Variants in TAFA1 observed in about 807,000 individuals in gnomAD.
The protein encoded by TAFA1 is chemokine-like protein TAFA-1.
In TAFA1, 4 loss-of-function variants were observed where a neutral mutation model predicts 18.5. The observed-to-expected ratio is 0.22, with a 90% CI of 0.11 to 0.49. The LOEUF is 0.49. TAFA1 is among the 20% of genes least tolerant of loss of function. The pLI, the probability that TAFA1 is intolerant of heterozygous loss-of-function variation, is 0.98. For missense variants in TAFA1, 147 were observed against 169.0 expected (o/e 0.87, Z 0.72); for synonymous variants, 56 against 55.2 (o/e 1.01, Z -0.06).
chr3:68,459,431 A>G (rs2071732059), intron 3 of TAFA1, among the ~76,000 whole-genome samples: 1 of 152,212 alleles, frequency 6.6e-6, no homozygotes, highest in African/African-American at 2.4e-5. Flanking sequence ...GAAATAAATA[A>G]AAATTTTTAA....
intron 2 of TAFA1, among the ~76,000 whole-genome samples, chr3:68,286,272 A>T (rs1052329314): frequency 6.6e-6 from 1 of 152,028 alleles, no homozygotes; most frequent in Non-Finnish European, 1.5e-5. Flanking sequence ...ATATTTTTTT[A>T]AAAATAGACC....
chr3:68,208,908 A>G (rs1172930780), intron 2 of TAFA1, among the ~76,000 whole-genome samples: 1 of 151,924 alleles, frequency 6.6e-6, no homozygotes, highest in Non-Finnish European at 1.5e-5. Context: ...GAGCCCTTTA[A>G]AAAACAGGTG....
chr3:68,336,661 G>A (rs1283436338), intron 2 of TAFA1, among the ~76,000 whole-genome samples: 1 of 152,180 alleles, frequency 6.6e-6, no homozygotes, highest in African/African-American at 2.4e-5. Context: ...AGAATATCTG[G>A]GGTCTGGGCA....
At chr3:68,244,521 A>G (rs911808968) in intron 2 of TAFA1, among the ~76,000 whole-genome samples, 21 of 152,116 alleles carry the variant, frequency 1.4e-4, no homozygotes, top group African/African-American at 4.8e-4. Flanking sequence ...TGTCTCCCCT[A>G]TTGAATCAAA....
rs554995512 is a variant in TAFA1 at position 68,205,733 on chromosome 3, C to T, written c.118+198989C>T. ...TAGAAGCGGTGTCCCAGAAAACCAA[C>T]ATTGTCATTCACCTAAGGATGGAAG... On this transcript the variant is annotated intron_variant, in intron 2 of 4. Transcript: ENST00000478136. Among the ~76,000 whole-genome samples, 3 of 151,908 alleles carry T rather than the reference C, an allele frequency of 2.0e-5. No individual in the cohort carries two copies. In the South Asian group the frequency reaches 6.2e-4, roughly 32 times the overall value.
At chr3:68,189,373 C>T (rs2066310877) in intron 2 of TAFA1, among the ~76,000 whole-genome samples, 2 of 151,996 alleles carry the variant, frequency 1.3e-5, no homozygotes, top group South Asian at 4.1e-4. Flanking sequence ...CCATTCAACC[C>T]TGTCCTTGTC....
At chr3:68,526,505 C>T (rs868457607) in intron 3 of TAFA1, among the ~76,000 whole-genome samples, 4 of 152,200 alleles carry the variant, frequency 2.6e-5, no homozygotes, top group East Asian at 1.9e-4. Context: ...TTGAGATCAA[C>T]TGCACAGTGG....
At chr3:68,445,845 C>A (rs545152180) in intron 3 of TAFA1, among the ~76,000 whole-genome samples, 1 of 152,222 alleles carries the variant, frequency 6.6e-6, no homozygotes, top group Non-Finnish European at 1.5e-5. Flanking sequence ...GTTGGGAGAA[C>A]TACATTTTGC....
intron 2 of TAFA1, among the ~76,000 whole-genome samples, chr3:68,379,066 G>T (rs1042071567): frequency 6.6e-6 from 1 of 152,138 alleles, no homozygotes; most frequent in Admixed American, 6.5e-5. Context: ...TCTGTTTTCA[G>T]TTTTTTGAGG....
intron 1 of TAFA1, 72 bp from the exon 2 acceptor site, chr3:68,006,552 C>A: frequency 1.1e-6 from 1 of 951,280 alleles, no homozygotes; most frequent in Admixed American, 1.7e-5. Context: ...CCTCCCTTCC[C>A]TCATCAGTGG....
intron 2 of TAFA1, among the ~76,000 whole-genome samples, chr3:68,178,169 C>A (rs998627464): frequency 6.6e-6 from 1 of 151,908 alleles, no homozygotes; most frequent in African/African-American, 2.4e-5. Context: ...AAATACATGA[C>A]CCTGCAAAGC....
At chr3:68,140,817 G>C (rs1046859507) in intron 2 of TAFA1, among the ~76,000 whole-genome samples, 2 of 152,156 alleles carry the variant, frequency 1.3e-5, no homozygotes, top group African/African-American at 2.4e-5. Flanking sequence ...TTTGCCCAGG[G>C]CTTTAGAGCC....
chr3:68,039,856 G>C (rs1705127763), intron 2 of TAFA1, among the ~76,000 whole-genome samples: 1 of 152,176 alleles, frequency 6.6e-6, no homozygotes, highest in South Asian at 2.1e-4. Flanking sequence ...ACATACCTCA[G>C]AGAAGTCCCA....
Position 68,144,969 on chromosome 3 carries a change from A to G in TAFA1, c.118+138225A>G, listed in dbSNP as rs373593091. ...TATAAAATAATGACTATAAAGTGGC[A>G]TCAAGATGCCTAGGCCCGGAGACCG... is the stretch of plus-strand genomic sequence containing the variant. On this transcript the variant is annotated intron_variant, in intron 2 of 4. Coordinates refer to ENST00000478136, the MANE Select transcript of TAFA1 (RefSeq NM_213609.4). 1.6e-4 allele frequency: 162 copies of G among 1,031,960 alleles called. 3 individuals carry two copies. The East Asian group carries it at 3.0e-3, about 19-fold the overall frequency. The allele number at this position is 1,031,960 out of a possible 1,614,324, so 63.9% of individuals were successfully genotyped here.
chr3:68,027,291 C>T (rs1272989430), intron 2 of TAFA1, among the ~76,000 whole-genome samples: 2 of 152,048 alleles, frequency 1.3e-5, no homozygotes, highest in African/African-American at 2.4e-5. Flanking sequence ...AGACTTTTCT[C>T]CCAATATTTA....
At chr3:68,088,034 G>A (rs772096714) in intron 2 of TAFA1, among the ~76,000 whole-genome samples, 4 of 152,102 alleles carry the variant, frequency 2.6e-5, no homozygotes, top group Non-Finnish European at 5.9e-5. Context: ...AATAAAACAA[G>A]ATCATTTACA....
chr3:68,244,228 C>T (rs1324676785), intron 2 of TAFA1, among the ~76,000 whole-genome samples: 2 of 152,196 alleles, frequency 1.3e-5, no homozygotes, highest in Admixed American at 6.5e-5. Flanking sequence ...TCATCCCCTT[C>T]ATGGGGTCTT....
chr3:68,238,530 T>C (rs2066957685), intron 2 of TAFA1, among the ~76,000 whole-genome samples: 1 of 152,190 alleles, frequency 6.6e-6, no homozygotes, highest in South Asian at 2.1e-4. Flanking sequence ...ACCTATATAG[T>C]CAGCTAATTT....
chr3:68,332,113 T>C (rs1361672768), intron 2 of TAFA1, among the ~76,000 whole-genome samples: 6 of 151,858 alleles, frequency 4.0e-5, no homozygotes, highest in Admixed American at 6.6e-5. Flanking sequence ...TCCGCCCGCC[T>C]CGGCCTCCCA....
Sources: allele counts gnomAD v4.1 joint callset (sites outside exome capture counted in the v4.1 genomes callset), GRCh38; gene constraint gnomAD v4.1.1; transcripts MANE v1.5; gene names NCBI Gene and HGNC (gene_info 2026-07-23, HGNC 2026-07-21).